Variants in FBXL19 observed in about 807,000 individuals in gnomAD.
The protein encoded by FBXL19 is F-box/LRR-repeat protein 19.
In FBXL19, 16 loss-of-function variants were observed where a neutral mutation model predicts 71.2. The ratio of observed to expected loss-of-function variants is 0.22; its 90% CI spans 0.15 to 0.34. The LOEUF (loss-of-function observed/expected upper bound fraction) is 0.34. Among genes scored for constraint, FBXL19 ranks in the 10% least tolerant of loss-of-function variants. FBXL19 has a pLI of 1.00. For synonymous variants in FBXL19, 447 were observed against 409.4 expected (o/e 1.09, Z -1.11); for missense variants, 658 against 968.2 (o/e 0.68, Z 4.25).
rs1684339639 is a variant in FBXL19, at chr16:30,946,742, G to A, written c.1640G>A (p.Ser547Asn). Residue 547 changes from serine to asparagine, a missense_variant, in exon 10 of 11, where the codon AGC (serine) becomes AAC (asparagine). By Grantham distance (46) the Ser-to-Asn change is conservative. Coordinates refer to ENST00000338343, the MANE Select transcript of FBXL19 (RefSeq NM_001382779.1). The surrounding 1 kb of genome is among the most constrained non-coding windows in gnomAD (Gnocchi z 6.7). ...PPDTKPGQTE[S>N]RGRLQGVAEL... ...TCTGGCTGCCCAGGGCAAACAGAGA[G>A]CCGTGGTCGGCTGCAGGGGGTGGCA... 1.2e-6 allele frequency: 2 copies of A among 1,612,714 alleles called. No homozygotes were observed. The highest frequency in any genetic ancestry group is 2.7e-5 in the African/African-American group (2 of 74,898).
Position 30,947,322 on chromosome 16 carries a change from C to T in FBXL19, c.*92C>T. ...CTGGGAGGCCAGGTTCCCACCTCAC[C>T]ACCCTGGGATTCCTGAGTGTCAGTG... On this transcript the variant is annotated 3_prime_UTR_variant, in exon 11 of 11. Transcript: ENST00000338343. 1 of 1,119,542 alleles carries T rather than the reference C, an allele frequency of 8.9e-7. No individual in the cohort carries two copies. The highest frequency in any genetic ancestry group is 1.6e-5 in the South Asian group (1 of 61,434). 69.4% of individuals were successfully genotyped at this position (1,119,542 alleles called of 1,614,324 possible).
chr16:30,946,783 G>C lies in FBXL19; in HGVS notation c.1681G>C (p.Gly561Arg). The C allele has an allele frequency of 6.2e-7, 1 of 1,613,498 alleles. No individual in the cohort carries two copies. Among genetic ancestry groups the C allele is most frequent in the Non-Finnish European group, 8.5e-7 (1 of 1,179,784 alleles). The change falls in exon 10 of 11, where the codon GGT (glycine) becomes CGT (arginine). Residue 561 changes from glycine (G) to arginine (R), a missense_variant. Gly to Arg is a moderately radical substitution (Grantham distance 125). Coordinates refer to ENST00000338343, the MANE Select transcript of FBXL19 (RefSeq NM_001382779.1). The surrounding 1 kb of genome is among the most constrained non-coding windows in gnomAD (Gnocchi z 6.7). The part of the protein sequence containing the change: ...LQGVAELRLA[G>R]LELTDASLRL... ...GGGGGTGGCAGAACTGCGTCTGGCA[G>C]GTTTGGAGCTGACAGATGCCTCCCT...
rs1238704727 is a variant in FBXL19 at position 30,930,723 on chromosome 16, A to G, written c.1301+139A>G. ...CTCTAGTATGCACAGATTACAGTGC[A>G]TCCTTCCGTATTTCCCGTGTGCAGG... On this transcript the variant is annotated intron_variant, in intron 7 of 10. Coordinates refer to ENST00000338343, the MANE Select transcript of FBXL19 (RefSeq NM_001382779.1). The surrounding 1 kb of genome is among the most constrained non-coding windows in gnomAD (Gnocchi z 8.5). The G allele has an allele frequency of 4.0e-5, 37 of 918,520 alleles. No homozygotes were observed. Among genetic ancestry groups the G allele is most frequent in the Middle Eastern group, 3.1e-4 (1 of 3,264 alleles). 56.9% of individuals were successfully genotyped at this position (918,520 alleles called of 1,614,324 possible).
In FBXL19 at chr16:30,946,722, C is replaced by T; in HGVS notation, c.1628-8C>T. 12 of 1,610,010 alleles carry T rather than the reference C, an allele frequency of 7.5e-6. No individual in the cohort carries two copies. The highest frequency in any genetic ancestry group is 1.0e-5 in the Non-Finnish European group (12 of 1,178,670). On this transcript the variant is annotated splice_polypyrimidine_tract_variant and splice_region_variant and intron_variant, in intron 9 of 10. Transcript: ENST00000338343. The surrounding 1 kb of genome is among the most constrained non-coding windows in gnomAD (Gnocchi z 6.7). ...CCAGGAGTGCTGACCTCTCATCTGGCTGCCCAGGGCAAACAGAGAGCCGTG... is the reference window on the plus strand; with the variant it reads ...CCAGGAGTGCTGACCTCTCATCTGGTTGCCCAGGGCAAACAGAGAGCCGTG...
chr16:30,943,283 GGTT>G lies in FBXL19; in HGVS notation c.1627+748_1627+750del, dbSNP rs1328069733. 2.0e-5 allele frequency among the ~76,000 whole-genome samples: 3 copies of G among 152,118 alleles called. No homozygotes were observed. In the East Asian group the frequency reaches 5.8e-4, roughly 29 times the overall value. On this transcript the variant is annotated intron_variant, in intron 9 of 10. Transcript: ENST00000338343. ...GGCTTACTGCAACTTATGCCTCCTG[GGTT>G]CAAGTGATCCTCCCCACCTCAGCCT...
chr16:30,927,130 A>C (rs563978061), intron 2 of FBXL19, among the ~76,000 whole-genome samples, 178 bp from the exon 3 acceptor site: 1 of 152,308 alleles, frequency 6.6e-6, no homozygotes, highest in Admixed American at 6.5e-5. Flanking sequence ...ACGGAGACTT[A>C]AGGAGGTTAA....
rs1596650023 is a variant in FBXL19 at position 30,927,783 on chromosome 16, C to T, written c.447C>T (p.Asn149=). ...GEGPGRRRAD[N]GEEGASLGSG... ...GGCCTGGCCGCCGTAGGGCCGACAA[C>T]GGCGAGGAGGGCGCCAGCTTGGGGA... The change falls in exon 5 of 11, where the codon AAC becomes AAT. Residue 149 remains asparagine (N), a synonymous_variant. Transcript: ENST00000338343. The T allele has an allele frequency of 1.3e-6, 2 of 1,556,186 alleles. No homozygotes were observed. Among genetic ancestry groups the T allele is most frequent in the East Asian group, 2.4e-5 (1 of 41,420 alleles).
At chr16:30,928,072 C>T in intron 5 of FBXL19, 109 bp downstream of exon 5, 1 of 753,652 alleles carries the variant, frequency 1.3e-6, no homozygotes, top group Non-Finnish European at 2.1e-6. Context: ...CTGTGGGTTC[C>T]CCAAGGACTG....
At position 30,930,313 on chromosome 16, in the gene FBXL19, AAGG is replaced by A; in HGVS notation, c.1033_1035del (p.Glu345del). 1 of 1,608,400 alleles carries A rather than the reference AAGG, an allele frequency of 6.2e-7. No homozygotes were observed. On this transcript the variant is annotated inframe_deletion, in exon 7 of 11. Coordinates refer to ENST00000338343, the MANE Select transcript of FBXL19 (RefSeq NM_001382779.1). The surrounding 1 kb of genome is among the most constrained non-coding windows in gnomAD (Gnocchi z 8.5). Reference sequence around the variant, plus strand: ...GCCAGCCCGGGGCAGCTCTGGCGAGAAGGAGAACCGTGGGGGGCGGCGGGCTGT... The same window carrying A: ...GCCAGCCCGGGGCAGCTCTGGCGAGAAGAACCGTGGGGGGCGGCGGGCTGT...
rs768696380 is a variant in FBXL19 at position 30,928,545 on chromosome 16, C to T, written c.706C>T (p.Pro236Ser). 8.7e-5 allele frequency: 140 copies of T among 1,608,344 alleles called. No homozygotes were observed. The highest frequency in any genetic ancestry group is 1.1e-4 in the Non-Finnish European group (133 of 1,177,470). The stretch of plus-strand genomic sequence containing the variant: ...CCTCCGAGGATCGGACCCAGGCGGC[C>T]CGGGCCTGCTGCCCCCCAGGGTTCT... Reference protein sequence around the residue: ...CLLRGSDPGGPGLLPPRVLNP... With the variant: ...CLLRGSDPGGSGLLPPRVLNP... Residue 236 changes from proline to serine, a missense_variant, in exon 6 of 11, where the codon CCG becomes TCG. By Grantham distance (74) the Pro-to-Ser change is moderately conservative (BLOSUM62 -1). This residue lies in a region of FBXL19 where 447 missense variants were observed against 515.4 expected (regional missense o/e 0.87). Coordinates refer to ENST00000338343, the MANE Select transcript of FBXL19 (RefSeq NM_001382779.1).
chr16:30,944,969 C>A (rs1293206276), intron 9 of FBXL19, among the ~76,000 whole-genome samples: 1 of 152,180 alleles, frequency 6.6e-6, no homozygotes, highest in Non-Finnish European at 1.5e-5. Context: ...CACCCAGCTC[C>A]CCTCAGTCAT....
At chr16:30,937,104 G>A (rs183642083) in intron 7 of FBXL19, among the ~76,000 whole-genome samples, 2 of 152,144 alleles carry the variant, frequency 1.3e-5, no homozygotes, top group East Asian at 1.9e-4. Flanking sequence ...TAGGGCTGGC[G>A]TGAGGTTCAG....
At chr16:30,927,132 G>C (rs1163880992) in intron 2 of FBXL19, among the ~76,000 whole-genome samples, 176 bp from the exon 3 acceptor site, 1 of 152,216 alleles carries the variant, frequency 6.6e-6, no homozygotes, top group Non-Finnish European at 1.5e-5. Context: ...GGAGACTTAA[G>C]GAGGTTAAAT....
intron 7 of FBXL19, among the ~76,000 whole-genome samples, chr16:30,934,294 TGGA>T (rs2055707605): frequency 6.9e-6 from 1 of 145,632 alleles, no homozygotes; most frequent in African/African-American, 2.6e-5. Flanking sequence ...ACCTGGGAAG[TGGA>T]GGTGCAGTGG....
rs1596650750 is a variant in FBXL19 at position 30,928,971 on chromosome 16, A to G, written c.789+343A>G. Among the ~76,000 whole-genome samples, 3 of 152,214 alleles carry G rather than the reference A, an allele frequency of 2.0e-5. No homozygotes were observed. In the East Asian group the frequency reaches 5.8e-4, roughly 29 times the overall value. On this transcript the variant is annotated intron_variant, in intron 6 of 10. Coordinates refer to ENST00000338343, the MANE Select transcript of FBXL19 (RefSeq NM_001382779.1). ...ACCCTGAGCCTTAGTTTCTTTATCC[A>G]TGTAGTGGAGATGCTGCTGCCTGCC...
Position 30,928,547 on chromosome 16 carries a change from G to C in FBXL19, c.708G>C (p.Pro236=). The change falls in exon 6 of 11, where the codon CCG becomes CCC. Residue 236 remains proline (P), a synonymous_variant. Transcript: ENST00000338343. ...CLLRGSDPGG[P]GLLPPRVLNP... is the part of the protein sequence containing the mutation. ...TCCGAGGATCGGACCCAGGCGGCCC[G>C]GGCCTGCTGCCCCCCAGGGTTCTGA... The C allele has an allele frequency of 6.2e-7, 1 of 1,607,568 alleles. No individual in the cohort carries two copies. Among genetic ancestry groups the C allele is most frequent in the Non-Finnish European group, 8.5e-7 (1 of 1,177,086 alleles).
intron 7 of FBXL19, among the ~76,000 whole-genome samples, chr16:30,934,701 T>G (rs1176217152): frequency 1.3e-5 from 2 of 150,418 alleles, no homozygotes; most frequent in African/African-American, 4.9e-5. Flanking sequence ...TAACTGGCAG[T>G]GGGGACAGCA....
At chr16:30,928,105 T>TG (rs1048445483) in intron 5 of FBXL19, 142 bp downstream of exon 5, 1 of 291,216 alleles carries the variant, frequency 3.4e-6, no homozygotes, top group Non-Finnish European at 5.7e-6. Context: ...GTTCAGGAGT[T>TG]GGGTGGGGGG....
upstream of FBXL19, chr16:30,922,902 C>G: frequency 2.6e-6 from 1 of 384,364 alleles, no homozygotes; most frequent in South Asian, 1.9e-5. Context: ...AAAGCGGAGA[C>G]CGGGAGAGGC....
Sources: allele counts gnomAD v4.1 joint callset (sites outside exome capture counted in the v4.1 genomes callset), GRCh38; gene constraint gnomAD v4.1.1; regional missense constraint gnomAD v4.1.1; non-coding constraint Gnocchi (gnomAD v3.1); transcripts MANE v1.5; gene names NCBI Gene and HGNC (gene_info 2026-07-23, HGNC 2026-07-21).